SGK2: variants seen among roughly 807,000 people sequenced by gnomAD.
SGK2 encodes serine/threonine-protein kinase Sgk2.
A neutral mutation model predicts 47.5 loss-of-function variants in SGK2; 36 were observed. That is an observed-to-expected ratio of 0.76 (90% confidence interval 0.58 to 1.00). SGK2 has a LOEUF of 1.00. Among genes scored for constraint, SGK2 ranks in the 50% least tolerant of loss-of-function variants. The pLI, the probability that SGK2 is intolerant of heterozygous loss-of-function variation, is 0.00. For synonymous variants in SGK2, 157 were observed against 181.9 expected, an observed-to-expected ratio of 0.86 and a Z score of 1.10; for missense variants, 404 against 467.4, an observed-to-expected ratio of 0.86 and a Z score of 1.25.
intron 12 of SGK2, among the ~76,000 whole-genome samples, chr20:43,584,074 T>A (rs766169859): frequency 6.6e-6 from 1 of 152,152 alleles, no homozygotes; most frequent in Non-Finnish European, 1.5e-5. Flanking sequence ...GCGGGACAGT[T>A]GGCAGTTGTT....
At chr20:43,569,942 A>G (rs183190958) in intron 6 of SGK2, among the ~76,000 whole-genome samples, 30 of 152,334 alleles carry the variant, frequency 2.0e-4, no homozygotes, top group Non-Finnish European at 7.3e-5. Flanking sequence ...TGGGACAAGC[A>G]GAGCTCCCTC....
At chr20:43,564,435 G>A (rs1273482103) in intron 1 of SGK2, among the ~76,000 whole-genome samples, 2 of 152,120 alleles carry the variant, frequency 1.3e-5, no homozygotes, top group African/African-American at 2.4e-5. Flanking sequence ...GCTCCAGATG[G>A]TCTACACAGG....
intron 8 of SGK2, 62 bp from the exon 9 acceptor site, chr20:43,571,989 T>C: frequency 1.6e-6 from 2 of 1,235,128 alleles, no homozygotes; most frequent in Non-Finnish European, 2.3e-6. Flanking sequence ...GCTTTGGGGG[T>C]TAGGCCTGGC....
chr20:43,581,408 A>C (rs1234382312), intron 12 of SGK2, among the ~76,000 whole-genome samples: 1 of 152,104 alleles, frequency 6.6e-6, no homozygotes, highest in African/African-American at 2.4e-5. Flanking sequence ...TATGGTTGTT[A>C]CTATGTTTTT....
intron 10 of SGK2, among the ~76,000 whole-genome samples, chr20:43,575,399 G>A (rs1457193196): frequency 1.5e-4 from 22 of 150,040 alleles, no homozygotes; most frequent in Non-Finnish European, 1.5e-5. Flanking sequence ...GGGAGGCAGG[G>A]GCTGCAGTGA....
intron 1 of SGK2, 196 bp from the exon 2 acceptor site, chr20:43,566,277 G>C: frequency 6.8e-7 from 1 of 1,479,378 alleles, no homozygotes; most frequent in Non-Finnish European, 9.3e-7. Context: ...TGTTTGTTAG[G>C]AAGTCTGGGT....
intron 5 of SGK2, among the ~76,000 whole-genome samples, chr20:43,569,165 A>AT (rs1249846763): frequency 6.6e-6 from 1 of 152,126 alleles, no homozygotes; most frequent in East Asian, 1.9e-4. Context: ...GCCCACATGA[A>AT]CTAGCTTAGG....
chr20:43,569,311 T>G (rs941756973), intron 5 of SGK2, 74 bp from the exon 6 acceptor site: 1 of 1,574,462 alleles, frequency 6.4e-7, no homozygotes, highest in Non-Finnish European at 8.7e-7. Flanking sequence ...ACCCACAAGC[T>G]TATATGGGCT....
intron 11 of SGK2, among the ~76,000 whole-genome samples, chr20:43,576,663 G>A (rs553980103): frequency 8.5e-5 from 13 of 152,216 alleles, no homozygotes; most frequent in Non-Finnish European, 1.6e-4. Flanking sequence ...GGTGGGGGCC[G>A]GGTGCGGCAT....
At chr20:43,561,857 A>G (rs1979405747) in intron 1 of SGK2, among the ~76,000 whole-genome samples, 1 of 152,180 alleles carries the variant, frequency 6.6e-6, no homozygotes, top group South Asian at 2.1e-4. Flanking sequence ...GCAATAATCC[A>G]TTCAAGTGAC....
Position 43,572,075 on chromosome 20 carries a change from G to A in SGK2, c.535G>A (p.Gly179Ser), listed in dbSNP as rs1317091376. The change falls in exon 9 of 13, where the codon GGC (glycine) becomes AGC (serine). Residue 179 changes from glycine (G) to serine (S), a missense_variant. Physicochemically the swap from Gly to Ser is moderately conservative, Grantham distance 56. Transcript: ENST00000373100. The surrounding 1 kb of genome is among the most constrained non-coding windows in gnomAD (Gnocchi z 4.2). Reference sequence around the variant, plus strand: ...GGGACACGTGGTGCTGACGGATTTTGGCCTCTGCAAGGAAGGTGTAGAGCC... The same window carrying A: ...GGGACACGTGGTGCTGACGGATTTTAGCCTCTGCAAGGAAGGTGTAGAGCC... ...CQGHVVLTDFGLCKEGVEPED... is the reference protein window; with the variant it reads ...CQGHVVLTDFSLCKEGVEPED... The A allele has an allele frequency of 3.9e-6, 6 of 1,549,548 alleles. No individual in the cohort carries two copies. The African/African-American group carries it at 5.5e-5, about 14-fold the overall frequency.
chr20:43,576,628 G>A (rs1374387424), intron 11 of SGK2, among the ~76,000 whole-genome samples: 2 of 152,216 alleles, frequency 1.3e-5, no homozygotes, highest in Non-Finnish European at 2.9e-5. Flanking sequence ...TCAATAGGCT[G>A]GGTCTCTGCC....
chr20:43,576,472 C>A (rs1458809715), intron 11 of SGK2, 93 bp downstream of exon 11: 8 of 1,080,446 alleles, frequency 7.4e-6, no homozygotes, highest in Non-Finnish European at 1.1e-5. Flanking sequence ...ATCCTGCTGC[C>A]TTCTAAAACC....
chr20:43,567,515 A>G (rs1224030303), intron 3 of SGK2, 150 bp from the exon 4 acceptor site: 11 of 697,802 alleles, frequency 1.6e-5, no homozygotes, highest in Non-Finnish European at 2.5e-5. Flanking sequence ...CTGGGAGAAC[A>G]TGGGGTTCTT....
chr20:43,570,939 C>A lies in SGK2; in HGVS notation c.474-85C>A, dbSNP rs147139057. On this transcript the variant is annotated intron_variant, in intron 7 of 12. Coordinates refer to ENST00000373100, the MANE Select transcript of SGK2 (RefSeq NM_170693.3). Reference sequence around the variant, plus strand: ...GCAACCTCCATGAATAGTTCTCCTGCCAGGACCACCCCCCGCCCAGGTCTC... The same window carrying A: ...GCAACCTCCATGAATAGTTCTCCTGACAGGACCACCCCCCGCCCAGGTCTC... 460 of 1,599,606 alleles carry A rather than the reference C, an allele frequency of 2.9e-4. 3 individuals are homozygous for A. The African/African-American group carries it at 5.6e-3, about 19-fold the overall frequency.
chr20:43,583,497 A>G, intron 12 of SGK2: 2 of 1,152,612 alleles, frequency 1.7e-6, no homozygotes, highest in Non-Finnish European at 2.2e-6. Flanking sequence ...CCTTATTGAG[A>G]AGCTAGAAAC....
Position 43,572,073 on chromosome 20 carries a change from T to G in SGK2, c.533T>G (p.Phe178Cys). 1 of 1,549,586 alleles carries G rather than the reference T, an allele frequency of 6.5e-7. No homozygotes were observed. Among genetic ancestry groups the G allele is most frequent in the Non-Finnish European group, 8.7e-7 (1 of 1,146,378 alleles). The part of the protein sequence containing the change: ...DCQGHVVLTD[F>C]GLCKEGVEPE... ...CAGGGACACGTGGTGCTGACGGATT[T>G]TGGCCTCTGCAAGGAAGGTGTAGAG... is the stretch of plus-strand genomic sequence containing the variant. Residue 178 changes from phenylalanine (F) to cysteine (C), a missense_variant, in exon 9 of 13, where the codon TTT (phenylalanine) becomes TGT (cysteine). Transcript: ENST00000373100. This position sits in a 1 kb window ranked among gnomAD's most constrained non-coding sequence, Gnocchi z 4.2.
At chr20:43,567,858 A>G (rs55848276) in intron 4 of SGK2, 58 bp from the exon 5 acceptor site, 69,741 of 1,571,574 alleles carry the variant, frequency 0.044, 1,773 homozygotes, top group Middle Eastern at 0.053. Context: ...GAGGCCTTGT[A>G]CTGCTGTTGG....
chr20:43,579,163 A>AC (rs1413646867), intron 11 of SGK2, among the ~76,000 whole-genome samples: 5 of 151,926 alleles, frequency 3.3e-5, no homozygotes, highest in African/African-American at 1.2e-4. Context: ...GATTACAGGC[A>AC]CACACCACCA....
Sources: gnomAD v4.1 joint callset for allele counts (sites outside exome capture counted in the v4.1 genomes callset) on GRCh38, gnomAD v4.1.1 for gene constraint, Gnocchi (gnomAD v3.1) non-coding constraint, MANE v1.5 for transcripts, NCBI Gene and HGNC (gene_info 2026-07-23, HGNC 2026-07-21) for gene names.